NAV3: variants seen among roughly 807,000 people sequenced by gnomAD.
NAV3 encodes neuron navigator 3.
Under a neutral mutation model 244.7 loss-of-function variants are expected in NAV3, and 87 were observed. The observed-to-expected ratio is 0.36, with a 90% CI of 0.30 to 0.42. The LOEUF (loss-of-function observed/expected upper bound fraction) is 0.42, where lower values mean the gene tolerates loss of function less well. NAV3 is among the 20% of genes least tolerant of loss of function. The probability of loss-of-function intolerance (pLI) is 1.00; values close to 1 mark genes in which losing one functional copy is unlikely to be tolerated. For synonymous variants in NAV3, 1,126 were observed against 1,042.2 expected (o/e 1.08, Z -1.55); for missense variants, 2,663 against 2,893.3 (o/e 0.92, Z 1.83).
At chr12:77,679,138 A>AT (rs1874336619) in intron 2 of NAV3, among the ~76,000 whole-genome samples, 2 of 152,036 alleles carry the variant, frequency 1.3e-5, no homozygotes, top group East Asian at 1.9e-4. Flanking sequence ...CTAACTCTGG[A>AT]TTTTTTTTAA....
chr12:77,959,573 C>T (rs1042776599), intron 3 of NAV3, among the ~76,000 whole-genome samples: 1 of 151,894 alleles, frequency 6.6e-6, no homozygotes, highest in East Asian at 1.9e-4. Flanking sequence ...TAAAATTTAA[C>T]TGACTCTTCT....
intron 9 of NAV3, among the ~76,000 whole-genome samples, chr12:78,023,044 G>A (rs899125850): frequency 3.3e-5 from 5 of 151,992 alleles, no homozygotes; most frequent in Admixed American, 6.6e-5. Flanking sequence ...GTAGTACCAC[G>A]GTCAAAATAA....
At position 77,954,151 on chromosome 12, in the gene NAV3, A is replaced by C. The variant is rs1442252746; in HGVS notation, c.415-12078A>C. Among the ~76,000 whole-genome samples, 4 of 152,218 alleles carry C rather than the reference A, an allele frequency of 2.6e-5. No individual in the cohort carries two copies. In the East Asian group the frequency reaches 7.7e-4, roughly 29 times the overall value. ...ATTGGATATTTGAGAAGTAATATAC[A>C]AGTAGTTAAACTTGTGAACTTATGA... On this transcript the variant is annotated intron_variant, in intron 3 of 39. Transcript: ENST00000397909.
rs2137411329 is a variant in NAV3, at chr12:78,059,129, C to T, written c.2636+14C>T. 6.2e-7 allele frequency: 1 copy of T among 1,605,874 alleles called. No individual in the cohort carries two copies. The highest frequency in any genetic ancestry group is 2.3e-5 in the East Asian group (1 of 44,396). On this transcript the variant is annotated intron_variant, in intron 12 of 39. Coordinates refer to ENST00000397909, the MANE Select transcript of NAV3 (RefSeq NM_001024383.2). ...GGATGCAGACAGGTAATGCTATCAG[C>T]ATATATGATGGTGAGACATGCATGA...
At chr12:78,008,182 A>G (rs964639299) in intron 8 of NAV3, among the ~76,000 whole-genome samples, 1 of 151,962 alleles carries the variant, frequency 6.6e-6, no homozygotes, top group African/African-American at 2.4e-5. Flanking sequence ...GGTTACATAT[A>G]TAATTTGTAT....
chr12:78,171,119 G>A (rs1957982178), intron 24 of NAV3, among the ~76,000 whole-genome samples: 1 of 151,706 alleles, frequency 6.6e-6, no homozygotes, highest in Admixed American at 6.6e-5. Context: ...AGTGAGATAT[G>A]CTTAAATTGA....
At position 77,998,444 on chromosome 12, in the gene NAV3, A is replaced by G. The variant is rs1872712723; in HGVS notation, c.848A>G (p.Lys283Arg). The G allele has an allele frequency of 6.2e-7, 1 of 1,610,896 alleles. No individual in the cohort carries two copies. Among genetic ancestry groups the G allele is most frequent in the Admixed American group, 1.7e-5 (1 of 59,486 alleles). ...SQSFNSIDKN[K>R]PPNYANGNEK... ...AGCTTTAACAGCATTGACAAAAACA[A>G]GCCTCCAAATTATGCAAATGGAAAC... Residue 283 changes from lysine (K) to arginine (R), a missense_variant, in exon 7 of 40, where the codon AAG becomes AGG. Physicochemically the swap from Lys to Arg is conservative, Grantham distance 26. Coordinates refer to ENST00000397909, the MANE Select transcript of NAV3 (RefSeq NM_001024383.2).
In NAV3 at chr12:78,021,814, G is replaced by C. The variant is rs1253562024; in HGVS notation, c.1975G>C (p.Asp659His). The C allele has an allele frequency of 1.9e-6, 3 of 1,611,322 alleles. No homozygotes were observed. In the Admixed American group the frequency reaches 5.0e-5, roughly 27 times the overall value. ...ADSCTSPTKMDLSYSKTAKQC... is the reference protein window; with the variant it reads ...ADSCTSPTKMHLSYSKTAKQC... ...CTCCTGTACCAGTCCTACAAAGATG[G>C]ACTTATCATATAGTAAGACTGCTAA... Residue 659 changes from aspartate to histidine, a missense_variant, in exon 9 of 40, where the codon GAC becomes CAC. By Grantham distance (81) the Asp-to-His change is moderately conservative. Around this residue, in one of 6 missense-constraint regions of NAV3, gnomAD observed 1,521 missense variants for 1,497.0 expected, o/e 1.02. Transcript: ENST00000397909.
At position 78,185,582 on chromosome 12, in the gene NAV3, T is replaced by G; in HGVS notation, c.5693-19T>G. 6.2e-7 allele frequency: 1 copy of G among 1,600,304 alleles called. No individual in the cohort carries two copies. Among genetic ancestry groups the G allele is most frequent in the Non-Finnish European group, 8.5e-7 (1 of 1,171,108 alleles). On this transcript the variant is annotated intron_variant, in intron 30 of 39. Coordinates refer to ENST00000397909, the MANE Select transcript of NAV3 (RefSeq NM_001024383.2). ...TAATGTTATACTGTTGTGTATGTCT[T>G]TCTTTTAAAATTTGATAGATATTTT...
intron 2 of NAV3, among the ~76,000 whole-genome samples, chr12:77,825,756 A>G (rs1161994979): frequency 1.3e-5 from 2 of 152,136 alleles, no homozygotes; most frequent in Non-Finnish European, 2.9e-5. Flanking sequence ...AAGCAAGCTG[A>G]AGACTAGGAC....
intron 22 of NAV3, among the ~76,000 whole-genome samples, chr12:78,158,444 C>A (rs1437409038): frequency 6.6e-6 from 1 of 152,022 alleles, no homozygotes; most frequent in Non-Finnish European, 1.5e-5. Flanking sequence ...ATAAAATCGT[C>A]AAATACTTCT....
intron 1 of NAV3, among the ~76,000 whole-genome samples, chr12:77,872,504 C>T (rs187188271): frequency 1.6e-4 from 24 of 152,170 alleles, no homozygotes; most frequent in African/African-American, 5.8e-4. Context: ...TTGGGGAAGG[C>T]CATGGTCTTG....
intron 3 of NAV3, among the ~76,000 whole-genome samples, chr12:77,953,240 G>A (rs1008683112): frequency 2.6e-5 from 4 of 151,970 alleles, no homozygotes; most frequent in Non-Finnish European, 4.4e-5. Flanking sequence ...TTATATCCTC[G>A]GGAACTTTCC....
At chr12:77,686,453 C>T (rs1565771852) in intron 2 of NAV3, among the ~76,000 whole-genome samples, 1 of 125,450 alleles carries the variant, frequency 8.0e-6, no homozygotes, top group Non-Finnish European at 1.7e-5. Context: ...TTTTTAAAAA[C>T]AGAGGCTTTG....
Position 77,620,467 on chromosome 12 carries a change from A to T in NAV3, c.72+48201A>T, listed in dbSNP as rs1379375178. On this transcript the variant is annotated intron_variant, in intron 2 of 8. Coordinates refer to the NAV3 transcript ENST00000550042. ...AACACTTTTGATTTATGATTTGAAC[A>T]TTTTTTTTTTTTTGAGACTAAGTCT... Among the ~76,000 whole-genome samples, 75 of 145,708 alleles carry T rather than the reference A, an allele frequency of 5.1e-4. 1 individual carries two copies. Among genetic ancestry groups the T allele is most frequent in the African/African-American group, 1.7e-3 (68 of 39,896 alleles).
intron 1 of NAV3, among the ~76,000 whole-genome samples, chr12:77,905,000 G>T (rs530706355): frequency 4.6e-5 from 7 of 151,988 alleles, no homozygotes; most frequent in African/African-American, 1.7e-4. Context: ...TGTATTCAAT[G>T]CAGAAATCAG....
intron 31 of NAV3, among the ~76,000 whole-genome samples, chr12:78,186,886 T>C (rs367721226): frequency 6.6e-6 from 1 of 151,898 alleles, no homozygotes; most frequent in African/African-American, 2.4e-5. Flanking sequence ...ATTCATGCTG[T>C]GTCTTCACAC....
intron 2 of NAV3, among the ~76,000 whole-genome samples, chr12:77,632,637 A>C (rs750600453): frequency 6.6e-5 from 10 of 152,188 alleles, no homozygotes; most frequent in Non-Finnish European, 1.0e-4. Flanking sequence ...GACACAGCCA[A>C]ACCATATCAC....
intron 1 of NAV3, among the ~76,000 whole-genome samples, chr12:77,873,883 A>G (rs1881455440): frequency 6.7e-6 from 1 of 150,232 alleles, no homozygotes; most frequent in Admixed American, 6.6e-5. Flanking sequence ...GGGGTCCCCA[A>G]CCCCTGGGCC....
Sources: gnomAD v4.1 joint callset for allele counts (sites outside exome capture counted in the v4.1 genomes callset) on GRCh38, gnomAD v4.1.1 for gene constraint, gnomAD v4.1.1 regional missense constraint, MANE v1.5 for transcripts, NCBI Gene and HGNC (gene_info 2026-07-23, HGNC 2026-07-21) for gene names.